The following KCNQ2 variants were observed in gnomAD, a reference collection of about 807,000 sequenced individuals.
KCNQ2 encodes potassium voltage-gated channel subfamily Q member 2, also known as potassium voltage-gated channel subfamily KQT member 2.
Under a neutral mutation model 84.8 loss-of-function variants are expected in KCNQ2, and 14 were observed. The observed-to-expected ratio is 0.17, with a 90% CI of 0.11 to 0.26. The LOEUF (loss-of-function observed/expected upper bound fraction) is 0.26, where lower values mean the gene tolerates loss of function less well. KCNQ2 is among the 10% of genes least tolerant of loss of function. KCNQ2 has a pLI of 1.00. For missense variants in KCNQ2, 788 were observed against 1,254.0 expected (o/e 0.63, Z 5.61); for synonymous variants, 599 against 554.1 (o/e 1.08, Z -1.14).
Position 63,406,358 on chromosome 20 carries a change from T to TCGGCCG in KCNQ2, c.*280_*285dup, listed in dbSNP as rs1313112363. ...CGCCCCTCCTCACACCGGGCTGATGTCGGCCGCGGCCCTGAGCAGAGTGGA... is the reference window on the plus strand; with the variant it reads ...CGCCCCTCCTCACACCGGGCTGATGTCGGCCGCGGCCGCGGCCCTGAGCAGAGTGGA... On this transcript the variant is annotated 3_prime_UTR_variant, in exon 17 of 17. Coordinates refer to ENST00000359125, the MANE Select transcript of KCNQ2 (RefSeq NM_172107.4). 1.4e-4 allele frequency: 60 copies of TCGGCCG among 421,392 alleles called. No individual in the cohort carries two copies. In the East Asian group the frequency reaches 2.5e-3, roughly 17 times the overall value. The allele number at this position is 421,392 out of a possible 1,614,324, so 26.1% of individuals were successfully genotyped here. A position where few individuals can be genotyped will look rare whatever the true frequency, so the allele number is the denominator to read the frequency against.
chr20:63,408,385 C>G lies in KCNQ2; in HGVS notation c.1887+28G>C. 1 of 1,603,246 alleles carries G rather than the reference C, an allele frequency of 6.2e-7. No homozygotes were observed. The highest frequency in any genetic ancestry group is 8.5e-7 in the Non-Finnish European group (1 of 1,178,872). ...GGCAGGCACCACAGCCCTCCAGCCC[C>G]GCACCCCTCCCGCCCAGCCTCTCGC... On this transcript the variant is annotated intron_variant, in intron 16 of 16. Transcript: ENST00000359125. The surrounding 1 kb of genome is among the most constrained non-coding windows in gnomAD (Gnocchi z 5.0).
intron 12 of KCNQ2, among the ~76,000 whole-genome samples, chr20:63,416,293 C>T (rs2145567460): frequency 6.6e-6 from 1 of 152,340 alleles, no homozygotes; most frequent in Admixed American, 6.5e-5. Flanking sequence ...TTGGGCCTGC[C>T]TTGCCCCCGA....
At chr20:63,434,999 T>C (rs936266875) in intron 7 of KCNQ2, among the ~76,000 whole-genome samples, 5 of 152,218 alleles carry the variant, frequency 3.3e-5, no homozygotes, top group Non-Finnish European at 1.5e-5. Flanking sequence ...ACGAACTTTC[T>C]GAGAAACAAC....
At chr20:63,467,394 G>C (rs538541405) in intron 1 of KCNQ2, among the ~76,000 whole-genome samples, 299 of 152,294 alleles carry the variant, frequency 2.0e-3, no homozygotes, top group African/African-American at 6.8e-3. Context: ...ATTCCTACAG[G>C]GCTGAGGCTA....
At chr20:63,437,832 C>T (rs759973454) in intron 7 of KCNQ2, among the ~76,000 whole-genome samples, 7 of 152,042 alleles carry the variant, frequency 4.6e-5, no homozygotes, top group Non-Finnish European at 7.4e-5. Context: ...TTTTTTGAGA[C>T]GGAGTCTCGC....
intron 4 of KCNQ2, among the ~76,000 whole-genome samples, chr20:63,443,370 T>G: frequency 2.6e-5 from 1 of 38,408 alleles, no homozygotes; most frequent in Non-Finnish European, 4.8e-5. Context: ...ATCACCATCA[T>G]CACCACCATC....
intron 1 of KCNQ2, among the ~76,000 whole-genome samples, chr20:63,467,714 C>G (rs1008321438): frequency 6.6e-6 from 1 of 152,196 alleles, no homozygotes; most frequent in Non-Finnish European, 1.5e-5. Context: ...CACTCTCCAC[C>G]ACTGGACTCA....
chr20:63,428,345 C>A, intron 10 of KCNQ2, 22 bp downstream of exon 10: 1 of 1,549,854 alleles, frequency 6.5e-7, no homozygotes, highest in East Asian at 2.4e-5. Flanking sequence ...CCACCCGCCC[C>A]ACCTGGAGCT....
intron 1 of KCNQ2, chr20:63,466,383 CT>C (rs2082083137): frequency 6.6e-6 from 1 of 152,334 alleles, no homozygotes; most frequent in South Asian, 2.1e-4. Context: ...AACCCACGAC[CT>C]GGCCCTCAAC....
rs1568914375 is a variant in KCNQ2 at position 63,432,754 on chromosome 20, A to ACAGGGAAGGCGCCACCCT, written c.1118+1054_1118+1055insAGGGTGGCGCCTTCCCTG. The stretch of plus-strand genomic sequence containing the variant: ...TCCACCCTCAGGGAAGGCTCCACCC[A>ACAGGGAAGGCGCCACCCT]CAGGGAAGGCTCCACCCTCAGGGAA... On this transcript the variant is annotated intron_variant, in intron 8 of 16. Transcript: ENST00000359125. 5.7e-4 allele frequency among the ~76,000 whole-genome samples: 47 copies of ACAGGGAAGGCGCCACCCT among 81,846 alleles called. 2 individuals are homozygous for ACAGGGAAGGCGCCACCCT. Among genetic ancestry groups the ACAGGGAAGGCGCCACCCT allele is most frequent in the Non-Finnish European group, 1.2e-3 (43 of 36,738 alleles). 53.7% of individuals were successfully genotyped at this position (81,846 alleles called of 152,430 possible).
Position 63,445,227 on chromosome 20 carries a change from C to G in KCNQ2, c.514+11G>C, listed in dbSNP as rs762724881. 6.2e-7 allele frequency: 1 copy of G among 1,613,798 alleles called. No individual in the cohort carries two copies. Among genetic ancestry groups the G allele is most frequent in the Non-Finnish European group, 8.5e-7 (1 of 1,180,026 alleles). On this transcript the variant is annotated intron_variant, in intron 3 of 16. Transcript: ENST00000359125. ...CCTGATTCTAGCAATACCACCCCCA[C>G]CAGGCCTCACCAATCACACAGAACG... is the stretch of plus-strand genomic sequence containing the variant.
intron 7 of KCNQ2, chr20:63,434,310 AG>A: frequency 4.9e-6 from 1 of 206,002 alleles, no homozygotes; most frequent in South Asian, 1.6e-4. Flanking sequence ...GGGTAGGGCC[AG>A]GGACCTCAGC....
chr20:63,440,252 G>C (rs2081119384), intron 5 of KCNQ2, among the ~76,000 whole-genome samples: 1 of 152,162 alleles, frequency 6.6e-6, no homozygotes, highest in African/African-American at 2.4e-5. Context: ...TTCTCTAGGG[G>C]TGGTGGGCAA....
At chr20:63,467,642 G>A (rs139974162) in intron 1 of KCNQ2, among the ~76,000 whole-genome samples, 5 of 152,220 alleles carry the variant, frequency 3.3e-5, no homozygotes, top group East Asian at 1.9e-4. Context: ...AGGGACTAAC[G>A]GAGATCCATA....
intron 1 of KCNQ2, among the ~76,000 whole-genome samples, chr20:63,457,937 C>A (rs1187562948): frequency 1.3e-5 from 2 of 152,186 alleles, no homozygotes; most frequent in Non-Finnish European, 2.9e-5. Context: ...TGCTCACGGT[C>A]CCTGGAGACG....
Position 63,438,557 on chromosome 20 carries a change from C to T in KCNQ2, c.1023+68G>A. The T allele has an allele frequency of 7.3e-7, 1 of 1,363,600 alleles. No homozygotes were observed. The highest frequency in any genetic ancestry group is 1.0e-6 in the Non-Finnish European group (1 of 954,892). The allele number at this position is 1,363,600 out of a possible 1,614,324, so 84.5% of individuals were successfully genotyped here. On this transcript the variant is annotated intron_variant, in intron 7 of 16. Transcript: ENST00000359125. The surrounding 1 kb of genome is among the most constrained non-coding windows in gnomAD (Gnocchi z 5.1). ...AGGGCAATGCCAAAGCCCCAGCGGC[C>T]TCCACTCCTCAACAAGGTGGGACCA...
chr20:63,408,235 CTCACGGTGGGGTGTGAGGG>C lies in KCNQ2; in HGVS notation c.1887+159_1887+177del, dbSNP rs1364822619. 5 of 796,568 alleles carry C rather than the reference CTCACGGTGGGGTGTGAGGG, an allele frequency of 6.3e-6. No individual in the cohort carries two copies. Among genetic ancestry groups the C allele is most frequent in the Non-Finnish European group, 9.8e-6 (5 of 508,862 alleles). The allele number at this position is 796,568 out of a possible 1,614,324, so 49.3% of individuals were successfully genotyped here. A position where few individuals can be genotyped will look rare whatever the true frequency, so the allele number is the denominator to read the frequency against. ...AGGCACCCAGGCCGGGGGTGGGAGG[CTCACGGTGGGGTGTGAGGG>C]GTCTGCACAGAGCAGCTGTCAGTGG... On this transcript the variant is annotated intron_variant, in intron 16 of 16. Coordinates refer to ENST00000359125, the MANE Select transcript of KCNQ2 (RefSeq NM_172107.4). This position sits in a 1 kb window ranked among gnomAD's most constrained non-coding sequence, Gnocchi z 5.0.
At chr20:63,418,305 G>A (rs1747920687) in intron 12 of KCNQ2, among the ~76,000 whole-genome samples, 1 of 152,222 alleles carries the variant, frequency 6.6e-6, no homozygotes, top group African/African-American at 2.4e-5. Context: ...TACGGGGCCG[G>A]GGCAGGCTCA....
intron 12 of KCNQ2, among the ~76,000 whole-genome samples, chr20:63,419,045 G>A (rs1390010715): frequency 2.0e-5 from 3 of 152,134 alleles, no homozygotes; most frequent in Non-Finnish European, 4.4e-5. Context: ...GGGGAGGTGC[G>A]GGTCACGGTG....
Sources: allele counts gnomAD v4.1 joint callset (sites outside exome capture counted in the v4.1 genomes callset), GRCh38; gene constraint gnomAD v4.1.1; non-coding constraint Gnocchi (gnomAD v3.1); transcripts MANE v1.5; gene names NCBI Gene and HGNC (gene_info 2026-07-23, HGNC 2026-07-21).